The following KIAA1217 variants were observed in gnomAD, a reference collection of about 807,000 sequenced individuals.
The protein encoded by KIAA1217 is sickle tail protein homolog.
A neutral mutation model predicts 163.9 loss-of-function variants in KIAA1217; 88 were observed. That is an observed-to-expected ratio of 0.54 (90% CI 0.45 to 0.64). The LOEUF is 0.64. KIAA1217 is among the 30% of genes least tolerant of loss of function. The pLI is 0.00. For missense variants in KIAA1217, 2,372 were observed against 2,475.0 expected, an observed-to-expected ratio of 0.96 and a Z score of 0.88; for synonymous variants, 903 against 923.1, an observed-to-expected ratio of 0.98 and a Z score of 0.39.
intron 16 of KIAA1217, among the ~76,000 whole-genome samples, chr10:24,536,042 G>T (rs2073959207): frequency 6.6e-6 from 1 of 152,064 alleles, no homozygotes; most frequent in Admixed American, 6.6e-5. Context: ...TATTATCTGG[G>T]CATTGCCCAC....
chr10:24,238,015 G>A (rs1590133258), intron 2 of KIAA1217, among the ~76,000 whole-genome samples: 1 of 152,174 alleles, frequency 6.6e-6, no homozygotes, highest in East Asian at 1.9e-4. Context: ...ATTGCTCTCT[G>A]TAAATACCTG....
At chr10:24,526,725 C>T (rs761189165) in intron 13 of KIAA1217, among the ~76,000 whole-genome samples, 9 of 152,030 alleles carry the variant, frequency 5.9e-5, no homozygotes, top group South Asian at 2.1e-4. Context: ...CTCGTAGGCT[C>T]GGGGGAAAGC....
chr10:24,428,425 G>C (rs2059342628), intron 3 of KIAA1217, among the ~76,000 whole-genome samples: 1 of 152,150 alleles, frequency 6.6e-6, no homozygotes, highest in Non-Finnish European at 1.5e-5. Flanking sequence ...GTCAACACAG[G>C]GATGAGTGGA....
chr10:24,092,925 G>GT (rs1393858762), intron 2 of KIAA1217, among the ~76,000 whole-genome samples: 8,810 of 140,796 alleles, frequency 0.063, 679 homozygotes, highest in African/African-American at 0.22. Context: ...GTGTGTGTGT[G>GT]TGTTGTGTGT....
chr10:24,209,091 T>A, upstream of KIAA1217: 1 of 929,288 alleles, frequency 1.1e-6, no homozygotes, highest in Non-Finnish European at 1.7e-6. Context: ...CACCGTCCCC[T>A]CCTCCCCAGC....
intron 2 of KIAA1217, among the ~76,000 whole-genome samples, chr10:24,358,316 GC>G (rs2049396855): frequency 6.6e-6 from 1 of 152,108 alleles, no homozygotes; most frequent in South Asian, 2.1e-4. Flanking sequence ...CTTGGTTGGG[GC>G]AGTTCTAAGA....
In KIAA1217 at chr10:24,546,185, C is replaced by T; in HGVS notation, c.5693C>T (p.Pro1898Leu). Residue 1898 changes from proline (P) to leucine (L), a missense_variant, in exon 21 of 21, where the codon CCT becomes CTT. Physicochemically the swap from Pro to Leu is moderately conservative, Grantham distance 98. Transcript: ENST00000376454. ...PPPLSFSSSPPSPASSVSLNQ... is the reference protein window; with the variant it reads ...PPPLSFSSSPLSPASSVSLNQ... The stretch of plus-strand genomic sequence containing the variant: ...CCTTTGTCATTTTCCTCCTCCCCTC[C>T]TTCTCCTGCCTCCTCCGTCTCACTG... 7 of 1,614,194 alleles carry T rather than the reference C, an allele frequency of 4.3e-6. No homozygotes were observed. The highest frequency in any genetic ancestry group is 5.9e-6 in the Non-Finnish European group (7 of 1,180,038).
rs533624100 is a variant in KIAA1217, at chr10:23,851,267, G to T, written c.-320-155958G>T. On this transcript the variant is annotated intron_variant, in intron 1 of 18. Transcript: ENST00000376462. Reference sequence around the variant, plus strand: ...CTATGAGTGAGAACATGCAGTGTTTGGTTTTTTGTCCTTGCGATAGTTTAC... The same window carrying T: ...CTATGAGTGAGAACATGCAGTGTTTTGTTTTTTGTCCTTGCGATAGTTTAC... 1.7e-3 allele frequency among the ~76,000 whole-genome samples: 262 copies of T among 152,156 alleles called. 1 individual carries two copies. The highest frequency in any genetic ancestry group is 3.1e-3 in the Non-Finnish European group (212 of 68,000).
chr10:24,500,825 G>A (rs1344554371), intron 8 of KIAA1217, among the ~76,000 whole-genome samples: 1 of 152,180 alleles, frequency 6.6e-6, no homozygotes, highest in Admixed American at 6.5e-5. Context: ...GTTCACGCCT[G>A]TAATCCTAGC....
At chr10:24,017,758 G>A (rs1284754473) in intron 2 of KIAA1217, among the ~76,000 whole-genome samples, 1 of 152,030 alleles carries the variant, frequency 6.6e-6, no homozygotes, top group African/African-American at 2.4e-5. Flanking sequence ...CTTACCCTGG[G>A]GAGTTTACCT....
At chr10:24,329,483 A>G (rs1363077478) in intron 2 of KIAA1217, among the ~76,000 whole-genome samples, 2 of 151,992 alleles carry the variant, frequency 1.3e-5, no homozygotes, top group African/African-American at 4.8e-5. Flanking sequence ...GTCTTCAAAT[A>G]TAAGTGCATC....
chr10:23,903,336 C>A (rs1842026558), intron 1 of KIAA1217, among the ~76,000 whole-genome samples: 1 of 152,044 alleles, frequency 6.6e-6, no homozygotes, highest in Non-Finnish European at 1.5e-5. Flanking sequence ...ATTTTTCTCA[C>A]TATCTCAAGG....
intron 3 of KIAA1217, among the ~76,000 whole-genome samples, chr10:24,431,297 C>T (rs2059586596): frequency 6.6e-6 from 1 of 152,186 alleles, no homozygotes; most frequent in South Asian, 2.1e-4. Context: ...AGTAGATTCT[C>T]ACAAAAAGCA....
intron 1 of KIAA1217, among the ~76,000 whole-genome samples, chr10:23,711,671 T>C (rs1837265228): frequency 6.6e-6 from 1 of 152,202 alleles, no homozygotes; most frequent in Admixed American, 6.5e-5. Flanking sequence ...GAGAACCTTC[T>C]GGGTGTCATC....
intron 3 of KIAA1217, among the ~76,000 whole-genome samples, chr10:24,415,077 C>A (rs1415382646): frequency 2.0e-5 from 3 of 150,328 alleles, no homozygotes; most frequent in Admixed American, 2.0e-4. Context: ...GGAGGCCCGG[C>A]AGTCTGGAGC....
intron 2 of KIAA1217, among the ~76,000 whole-genome samples, chr10:24,054,384 T>A (rs1467093833): frequency 1.3e-5 from 2 of 152,076 alleles, no homozygotes; most frequent in Non-Finnish European, 2.9e-5. Context: ...GATGAACACC[T>A]AGGGAGATGG....
intron 1 of KIAA1217, among the ~76,000 whole-genome samples, chr10:23,930,395 A>C (rs1843209721): frequency 6.6e-6 from 1 of 152,202 alleles, no homozygotes; most frequent in South Asian, 2.1e-4. Context: ...TGCAAGCTAA[A>C]AAATTGTCGA....
intron 2 of KIAA1217, among the ~76,000 whole-genome samples, chr10:24,254,963 C>T (rs1430322713): frequency 1.3e-5 from 2 of 151,928 alleles, no homozygotes; most frequent in African/African-American, 2.4e-5. Flanking sequence ...AAGTGATTCT[C>T]CTGCCTCAGC....
At chr10:23,986,946 C>A (rs1372939787) in intron 1 of KIAA1217, among the ~76,000 whole-genome samples, 4 of 152,144 alleles carry the variant, frequency 2.6e-5, no homozygotes, top group African/African-American at 9.7e-5. Flanking sequence ...CCTGAGTGCC[C>A]TGAGAAATTG....
Sources: allele counts gnomAD v4.1 joint callset (sites outside exome capture counted in the v4.1 genomes callset), GRCh38; gene constraint gnomAD v4.1.1; transcripts MANE v1.5; gene names NCBI Gene and HGNC (gene_info 2026-07-23, HGNC 2026-07-21).